ACACA: variants seen among roughly 807,000 people sequenced by gnomAD.
The protein encoded by ACACA is acetyl-CoA carboxylase alpha.
Under a neutral mutation model 296.1 loss-of-function variants are expected in ACACA, and 103 were observed. The ratio of observed to expected loss-of-function variants is 0.35; its 90% CI spans 0.30 to 0.41. The LOEUF is 0.41. Among genes scored for constraint, ACACA ranks in the 10% least tolerant of loss-of-function variants. The pLI, the probability that ACACA is intolerant of heterozygous loss-of-function variation, is 1.00. For synonymous variants in ACACA, 953 were observed against 1,038.6 expected, an observed-to-expected ratio of 0.92 and a Z score of 1.58; for missense variants, 1,554 against 2,989.7, an observed-to-expected ratio of 0.52 and a Z score of 11.20.
intron 52 of ACACA, among the ~76,000 whole-genome samples, chr17:37,106,651 C>T (rs144778528): frequency 6.6e-6 from 1 of 152,220 alleles, no homozygotes; most frequent in African/African-American, 2.4e-5. Context: ...GGGAACAGCA[C>T]AGAATTCTCT....
chr17:37,123,753 A>G (rs953407355), intron 48 of ACACA, among the ~76,000 whole-genome samples: 1 of 152,216 alleles, frequency 6.6e-6, no homozygotes, highest in Non-Finnish European at 1.5e-5. Flanking sequence ...GGAGATACAC[A>G]GGAGGGTTTA....
Position 37,205,884 on chromosome 17 carries a change from G to T in ACACA, c.3949-12C>A, listed in dbSNP as rs767004085. Reference sequence around the variant, plus strand: ...TCATCCCTGGGAACCTGTAACTCAAGAACACAAGTCAAAGAAATTATGAGG... The same window carrying T: ...TCATCCCTGGGAACCTGTAACTCAATAACACAAGTCAAAGAAATTATGAGG... On this transcript the variant is annotated splice_polypyrimidine_tract_variant and intron_variant, in intron 32 of 55. Transcript: ENST00000616317. 1 of 1,594,886 alleles carries T rather than the reference G, an allele frequency of 6.3e-7. No homozygotes were observed. Among genetic ancestry groups the T allele is most frequent in the Non-Finnish European group, 8.6e-7 (1 of 1,164,844 alleles).
rs144094288 is a variant in ACACA, at chr17:37,160,879, A to G, written c.5349+902T>C. ...TCAACTCAATGGTACTGATGATTTC[A>G]AAGGATTGTTGGACTAGAGAGAGGA... is the stretch of plus-strand genomic sequence containing the variant. On this transcript the variant is annotated intron_variant, in intron 42 of 55. Transcript: ENST00000616317. Among the ~76,000 whole-genome samples the G allele has an allele frequency of 5.2e-3, 791 of 152,260 alleles. 8 individuals carry two copies. Among genetic ancestry groups the G allele is most frequent in the African/African-American group, 0.018 (741 of 41,534 alleles).
At chr17:37,200,023 T>C (rs2078174505) in intron 35 of ACACA, 116 bp downstream of exon 35, 1 of 778,630 alleles carries the variant, frequency 1.3e-6, no homozygotes, top group South Asian at 1.7e-5. Context: ...TAATAATTTC[T>C]AAAAGAAGAA....
chr17:37,251,713 G>A (rs998263666), intron 16 of ACACA, among the ~76,000 whole-genome samples: 3 of 152,206 alleles, frequency 2.0e-5, no homozygotes, highest in African/African-American at 7.2e-5. Flanking sequence ...GGTTTGGAGA[G>A]ATTTGATACT....
chr17:37,156,164 C>T (rs1480261048), intron 42 of ACACA, among the ~76,000 whole-genome samples: 1 of 148,248 alleles, frequency 6.7e-6, no homozygotes, highest in Non-Finnish European at 1.5e-5. Context: ...CCTGGGTTCA[C>T]ACCATTCTCC....
chr17:37,160,526 T>C lies in ACACA; in HGVS notation c.5349+1255A>G, dbSNP rs1386488781. Among the ~76,000 whole-genome samples, 18 of 152,146 alleles carry C rather than the reference T, an allele frequency of 1.2e-4. 1 individual carries two copies. On this transcript the variant is annotated intron_variant, in intron 42 of 55. Coordinates refer to ENST00000616317, the MANE Select transcript of ACACA (RefSeq NM_198834.3). ...GTTTGAGGGGAGAGATGTGAAACCG[T>C]CATCCAGGAGGTTGCTAAGCTTGAA...
Position 37,235,023 on chromosome 17 carries a change from G to A in ACACA, c.3198C>T (p.Phe1066=), listed in dbSNP as rs2080042412. ...SDMNTVLNYI[F]SHAQVTKKNL... ...TCTTCTTGGTGACTTGAGCGTGAGAGAAGATGTAGTTCAGTACAGTGTTCA... is the reference window on the plus strand; with the variant it reads ...TCTTCTTGGTGACTTGAGCGTGAGAAAAGATGTAGTTCAGTACAGTGTTCA... Residue 1066 remains phenylalanine (F), a synonymous_variant, in exon 25 of 56, where the codon TTC becomes TTT. Transcript: ENST00000616317. 1.2e-6 allele frequency: 2 copies of A among 1,613,698 alleles called. No individual in the cohort carries two copies. The highest frequency in any genetic ancestry group is 1.7e-6 in the Non-Finnish European group (2 of 1,179,908).
chr17:37,096,903 A>T, intron 54 of ACACA, 93 bp downstream of exon 54: 1 of 1,466,174 alleles, frequency 6.8e-7, no homozygotes, highest in Non-Finnish European at 9.6e-7. Context: ...TCCTGCCCTT[A>T]GAGGCCTGTG....
chr17:37,386,014 T>C (rs2147774035), intron 1 of ACACA: 1 of 1,581,930 alleles, frequency 6.3e-7, no homozygotes, highest in Non-Finnish European at 8.6e-7. Flanking sequence ...TATAGCTTTT[T>C]TACCAGGGAT....
intron 54 of ACACA, among the ~76,000 whole-genome samples, chr17:37,093,026 T>G (rs565506677): frequency 6.6e-6 from 1 of 152,236 alleles, no homozygotes; most frequent in South Asian, 2.1e-4. Flanking sequence ...CAATCCCATC[T>G]CAGCTCCAGG....
intron 11 of ACACA, among the ~76,000 whole-genome samples, chr17:37,261,581 T>TTCTATGTGAGTTG (rs1215126406): frequency 6.6e-6 from 1 of 152,184 alleles, no homozygotes; most frequent in Non-Finnish European, 1.5e-5. Flanking sequence ...AGGCATAGTC[T>TTCTATGTGAGTTG]CCAAAGCCCA....
chr17:37,359,204 T>G (rs1057415190), intron 1 of ACACA: 12 of 917,028 alleles, frequency 1.3e-5, no homozygotes, highest in Admixed American at 6.2e-5. Context: ...GCGAGCTCCA[T>G]GAGGTGACTA....
chr17:37,181,182 C>G lies in ACACA; in HGVS notation c.4932+19G>C. On this transcript the variant is annotated intron_variant, in intron 40 of 55. Transcript: ENST00000616317. Reference sequence around the variant, plus strand: ...TTGCCTCCTTAGAACATGTCAGACCCTCCAGTTAGGCATCTTACCTGCCGA... The same window carrying G: ...TTGCCTCCTTAGAACATGTCAGACCGTCCAGTTAGGCATCTTACCTGCCGA... The G allele has an allele frequency of 6.2e-7, 1 of 1,613,972 alleles. No individual in the cohort carries two copies. Among genetic ancestry groups the G allele is most frequent in the Non-Finnish European group, 8.5e-7 (1 of 1,179,862 alleles).
intron 3 of ACACA, among the ~76,000 whole-genome samples, chr17:37,317,714 A>G (rs1018854136): frequency 1.3e-5 from 2 of 152,198 alleles, no homozygotes; most frequent in African/African-American, 4.8e-5. Flanking sequence ...TTACACTTGA[A>G]ATAATAAAAG....
chr17:37,122,929 A>G, intron 48 of ACACA: 1 of 480,060 alleles, frequency 2.1e-6, no homozygotes, highest in South Asian at 2.1e-5. Flanking sequence ...CCTAGCACAT[A>G]TACACATCCC....
At chr17:37,190,145 G>A (rs141930250) in intron 38 of ACACA, among the ~76,000 whole-genome samples, 45 of 151,790 alleles carry the variant, frequency 3.0e-4, no homozygotes, top group African/African-American at 1.0e-3. Flanking sequence ...AGAGTTAGAA[G>A]GGGCCAGGCA....
chr17:37,257,641 CCTTCA>C (rs1225344986), intron 14 of ACACA, 57 bp downstream of exon 14: 2 of 1,544,788 alleles, frequency 1.3e-6, no homozygotes, highest in African/African-American at 2.7e-5. Flanking sequence ...CATGCTCACA[CCTTCA>C]CTTAAGATTA....
At chr17:37,390,334 A>ATATATATATATCTAT (rs2050822111) in intron 1 of ACACA, among the ~76,000 whole-genome samples, 2 of 93,414 alleles carry the variant, frequency 2.1e-5, no homozygotes, top group African/African-American at 4.5e-5. Flanking sequence ...ATATATATAT[A>ATATATATATATCTAT]AAAGGCCAGC....
Sources: allele counts gnomAD v4.1 joint callset (sites outside exome capture counted in the v4.1 genomes callset), GRCh38; gene constraint gnomAD v4.1.1; transcripts MANE v1.5; gene names NCBI Gene and HGNC (gene_info 2026-07-23, HGNC 2026-07-21).